The following EXD3 variants were observed in gnomAD, a reference collection of about 807,000 sequenced individuals.
EXD3 encodes exonuclease mut-7 homolog.
Under a neutral mutation model 98.0 loss-of-function variants are expected in EXD3, and 92 were observed. That is an observed-to-expected ratio of 0.94 (90% CI 0.79 to 1.12). The LOEUF is 1.12. EXD3 is among the 50% of genes most tolerant of loss of function. The pLI, the probability that EXD3 is intolerant of heterozygous loss-of-function variation, is 0.00. For synonymous variants in EXD3, 569 were observed against 526.0 expected (o/e 1.08, Z -1.12); for missense variants, 1,222 against 1,191.6 (o/e 1.03, Z -0.38).
chr9:137,403,930 G>A lies in EXD3; in HGVS notation c.-47-8526C>T, dbSNP rs1837595165. On this transcript the variant is annotated intron_variant, in intron 1 of 21. Transcript: ENST00000340951. This position sits in a 1 kb window ranked among gnomAD's most constrained non-coding sequence, Gnocchi z 6.1. ...CGCCATCTCTGCATAGACCCCGAAG[G>A]ATGTGGAGTGTCCTCCAGGGCCGTA... Among the ~76,000 whole-genome samples the A allele has an allele frequency of 6.6e-6, 1 of 151,940 alleles. No individual in the cohort carries two copies. Among genetic ancestry groups the A allele is most frequent in the Admixed American group, 6.6e-5 (1 of 15,266 alleles).
intron 10 of EXD3, chr9:137,354,046 AC>A: frequency 8.3e-7 from 1 of 1,200,530 alleles, no homozygotes; most frequent in Non-Finnish European, 1.0e-6. Context: ...CTCAGCCCCC[AC>A]CCGGCCCCAC....
intron 5 of EXD3, 39 bp downstream of exon 5, chr9:137,372,866 A>G (rs761873148): frequency 6.9e-6 from 11 of 1,592,228 alleles, no homozygotes; most frequent in Non-Finnish European, 9.3e-6. Flanking sequence ...CCGCCCGAGA[A>G]GCCGTTTCCC....
intron 20 of EXD3, among the ~76,000 whole-genome samples, chr9:137,309,090 G>T (rs1831221028): frequency 6.6e-6 from 1 of 152,084 alleles, no homozygotes; most frequent in Non-Finnish European, 1.5e-5. Flanking sequence ...TGGCGGCGGG[G>T]CGGGGGCCAT....
At chr9:137,416,345 T>C (rs1159086516) in intron 1 of EXD3, among the ~76,000 whole-genome samples, 1 of 152,066 alleles carries the variant, frequency 6.6e-6, no homozygotes, top group African/African-American at 2.4e-5. Flanking sequence ...TCACGACCTA[T>C]CTCCATGTCA....
intron 17 of EXD3, among the ~76,000 whole-genome samples, chr9:137,341,127 A>C (rs545647643): frequency 3.4e-4 from 52 of 152,274 alleles, no homozygotes; most frequent in African/African-American, 1.1e-3. Context: ...ACCAGCCTGG[A>C]CAACATAGCG....
intron 20 of EXD3, 125 bp downstream of exon 20, chr9:137,309,482 C>T (rs1831246316): frequency 2.6e-6 from 2 of 770,166 alleles, no homozygotes; most frequent in South Asian, 3.5e-5. Context: ...CCTGTCGTCA[C>T]CTGGCTGCCA....
At chr9:137,392,885 G>A (rs1837005844) in intron 2 of EXD3, 3 of 437,626 alleles carry the variant, frequency 6.9e-6, no homozygotes, top group Admixed American at 3.5e-5. Context: ...AGGACCATTA[G>A]TGTTCCAGCG....
intron 17 of EXD3, among the ~76,000 whole-genome samples, chr9:137,333,073 C>G (rs1833172490): frequency 6.6e-6 from 1 of 152,162 alleles, no homozygotes; most frequent in South Asian, 2.1e-4. Context: ...TAGAATAAAG[C>G]ACGCAGGAGA....
Position 137,408,546 on chromosome 9 carries a change from C to CAA in EXD3, c.-47-13144_-47-13143dup, listed in dbSNP as rs570243090. 5.7e-3 allele frequency among the ~76,000 whole-genome samples: 252 copies of CAA among 44,478 alleles called. 34 individuals are homozygous for CAA. Among genetic ancestry groups the CAA allele is most frequent in the African/African-American group, 0.024 (220 of 9,352 alleles). The allele number at this position is 44,478 out of a possible 152,430, so 29.2% of individuals were successfully genotyped here. On this transcript the variant is annotated intron_variant, in intron 1 of 21. Coordinates refer to ENST00000340951, the MANE Select transcript of EXD3 (RefSeq NM_017820.5). ...TGGGCGATAGAGTGAGACTCTGCCT[C>CAA]AAAAAAAAAAAAAAAAAAAGAGGGC...
chr9:137,332,974 T>C (rs1458236595), intron 17 of EXD3, among the ~76,000 whole-genome samples: 3 of 152,158 alleles, frequency 2.0e-5, no homozygotes, highest in Non-Finnish European at 2.9e-5. Flanking sequence ...TGTGGGGGTG[T>C]TGCCAAAGGG....
rs544292206 is a variant in EXD3, at chr9:137,403,112, G to C, written c.-47-7708C>G. 7.2e-5 allele frequency among the ~76,000 whole-genome samples: 11 copies of C among 152,018 alleles called. No individual in the cohort carries two copies. The highest frequency in any genetic ancestry group is 1.3e-4 in the Non-Finnish European group (9 of 68,000). ...CCCGCCACGGGAGACCCTGTGGCTC[G>C]GCTTGGCTCATTTCCTGCAGGATCC... On this transcript the variant is annotated intron_variant, in intron 1 of 21. Transcript: ENST00000340951. This position sits in a 1 kb window ranked among gnomAD's most constrained non-coding sequence, Gnocchi z 6.1.
At chr9:137,355,539 G>A (rs866040274) in intron 8 of EXD3, among the ~76,000 whole-genome samples, 134 of 129,344 alleles carry the variant, frequency 1.0e-3, no homozygotes, top group Admixed American at 1.7e-3. Context: ...GAGGAAGGAG[G>A]AAGGAGGAAG....
chr9:137,319,226 C>T (rs1157253762), intron 19 of EXD3, among the ~76,000 whole-genome samples: 1 of 152,240 alleles, frequency 6.6e-6, no homozygotes, highest in Non-Finnish European at 1.5e-5. Flanking sequence ...TGATGGCCAG[C>T]AGCCCTCTGG....
At position 137,393,010 on chromosome 9, in the gene EXD3, C is replaced by T. The variant is rs544934188; in HGVS notation, c.55+2293G>A. ...CCGAGGCTGTTCTCGGTGGGGGTGCCGTGTCTGTTCCAGGGAGGGCCATTA... is the reference window on the plus strand; with the variant it reads ...CCGAGGCTGTTCTCGGTGGGGGTGCTGTGTCTGTTCCAGGGAGGGCCATTA... On this transcript the variant is annotated intron_variant, in intron 2 of 21. Coordinates refer to ENST00000340951, the MANE Select transcript of EXD3 (RefSeq NM_017820.5). The surrounding 1 kb of genome is among the most constrained non-coding windows in gnomAD (Gnocchi z 4.6). The T allele has an allele frequency of 4.7e-5, 29 of 614,078 alleles. No homozygotes were observed. Among genetic ancestry groups the T allele is most frequent in the African/African-American group, 1.1e-4 (5 of 46,696 alleles). The allele number at this position is 614,078 out of a possible 1,614,324, so 38.0% of individuals were successfully genotyped here.
chr9:137,318,389 G>C (rs1460237991), intron 19 of EXD3, among the ~76,000 whole-genome samples: 1 of 152,116 alleles, frequency 6.6e-6, no homozygotes, highest in Non-Finnish European at 1.5e-5. Flanking sequence ...GGTCACCACA[G>C]CCTCCTGGGA....
intron 7 of EXD3, among the ~76,000 whole-genome samples, chr9:137,362,370 G>A (rs539709841): frequency 2.6e-5 from 4 of 152,176 alleles, no homozygotes; most frequent in Non-Finnish European, 5.9e-5. Context: ...ACATTAAATG[G>A]TGCAAATGCA....
rs1293206542 is a variant in EXD3, at chr9:137,393,172, G to A, written c.55+2131C>T. 1.4e-6 allele frequency: 1 copy of A among 702,542 alleles called. No individual in the cohort carries two copies. Among genetic ancestry groups the A allele is most frequent in the Non-Finnish European group, 2.6e-6 (1 of 384,922 alleles). The allele number at this position is 702,542 out of a possible 1,614,324, so 43.5% of individuals were successfully genotyped here. On this transcript the variant is annotated intron_variant, in intron 2 of 21. Coordinates refer to ENST00000340951, the MANE Select transcript of EXD3 (RefSeq NM_017820.5). This position sits in a 1 kb window ranked among gnomAD's most constrained non-coding sequence, Gnocchi z 4.6. ...TTCCAGGGGCCCTGCTAGCTGGGGTGTTGCACTTTGAAAACATCCCACTCT... is the reference window on the plus strand; with the variant it reads ...TTCCAGGGGCCCTGCTAGCTGGGGTATTGCACTTTGAAAACATCCCACTCT...
rs931970945 is a variant in EXD3, at chr9:137,385,035, T to G, written c.56-1658A>C. Among the ~76,000 whole-genome samples the G allele has an allele frequency of 6.6e-6, 1 of 152,072 alleles. No homozygotes were observed. Among genetic ancestry groups the G allele is most frequent in the African/African-American group, 2.4e-5 (1 of 41,430 alleles). ...TGAACCCGGGAGGCGGAGGTCGCAG[T>G]GAGCCGAGATCGGGCCACTGCACTC... On this transcript the variant is annotated intron_variant, in intron 2 of 21. Coordinates refer to ENST00000340951, the MANE Select transcript of EXD3 (RefSeq NM_017820.5). The surrounding 1 kb of genome is among the most constrained non-coding windows in gnomAD (Gnocchi z 4.4).
chr9:137,366,281 T>C (rs1564516395), intron 7 of EXD3: 3 of 731,458 alleles, frequency 4.1e-6, no homozygotes. Context: ...CTCTTTTCAC[T>C]CGGGAGAAGA....
Sources: gnomAD v4.1 joint callset for allele counts (sites outside exome capture counted in the v4.1 genomes callset) on GRCh38, gnomAD v4.1.1 for gene constraint, Gnocchi (gnomAD v3.1) non-coding constraint, MANE v1.5 for transcripts, NCBI Gene and HGNC (gene_info 2026-07-23, HGNC 2026-07-21) for gene names.